The following RMST variants were observed in gnomAD, a reference collection of about 807,000 sequenced individuals.
The protein encoded by RMST is rhabdomyosarcoma 2 associated transcript, also known as long intergenic non-protein coding RNA 54.
At chr12:97,515,695 T>C (rs1008867906) in intron 10 of RMST, among the ~76,000 whole-genome samples, 4 of 152,262 alleles carry the variant, frequency 2.6e-5, no homozygotes, top group Admixed American at 6.5e-5. Context: ...ATAGAACTTA[T>C]GTATTTTATC....
intron 9 of RMST, chr12:97,495,786 TGAA>T (rs1433809633): frequency 6.6e-6 from 1 of 152,166 alleles, no homozygotes; most frequent in Admixed American, 6.6e-5. Flanking sequence ...ATCTTCAATG[TGAA>T]GAAGGTCTGG....
At chr12:97,559,713 C>A (rs1403732156) in intron 11 of RMST, among the ~76,000 whole-genome samples, 1 of 152,150 alleles carries the variant, frequency 6.6e-6, no homozygotes, top group Non-Finnish European at 1.5e-5. Context: ...ATTGAATATG[C>A]TTTATCACAG....
At chr12:97,564,523 G>A (rs1884389088) in exon 14 of RMST, 1 of 152,368 alleles carries the variant, frequency 6.6e-6, no homozygotes, top group African/African-American at 2.4e-5. Flanking sequence ...TAAACTCTAT[G>A]AGCCTCTTTC....
chr12:97,524,288 A>G (rs59289266), intron 10 of RMST, among the ~76,000 whole-genome samples: 19,313 of 151,922 alleles, frequency 0.13, 1,546 homozygotes, highest in East Asian at 0.3. Flanking sequence ...CAAAATCTGC[A>G]TTTTAGCAAG....
intron 11 of RMST, among the ~76,000 whole-genome samples, chr12:97,559,853 A>G (rs887781631): frequency 3.3e-5 from 5 of 152,336 alleles, no homozygotes; most frequent in Admixed American, 6.5e-5. Flanking sequence ...CACTCTATAT[A>G]GAAATGTTAT....
At chr12:97,509,944 T>C (rs1266804642) in intron 10 of RMST, among the ~76,000 whole-genome samples, 1 of 152,194 alleles carries the variant, frequency 6.6e-6, no homozygotes, top group African/African-American at 2.4e-5. Flanking sequence ...CACTAGACTA[T>C]AGCTACCTGG....
At chr12:97,535,376 T>C (rs1444791115) in intron 11 of RMST, among the ~76,000 whole-genome samples, 1 of 151,706 alleles carries the variant, frequency 6.6e-6, no homozygotes, top group African/African-American at 2.4e-5. Context: ...GAGAACTTCA[T>C]AAAAAGATAC....
chr12:97,488,595 G>A (rs997265108), intron 5 of RMST, among the ~76,000 whole-genome samples: 5 of 152,136 alleles, frequency 3.3e-5, no homozygotes, highest in Admixed American at 1.3e-4. Context: ...CTCAAGTTGC[G>A]TGGTGGCCCA....
intron 5 of RMST, among the ~76,000 whole-genome samples, chr12:97,481,477 T>C (rs1875270209): frequency 6.6e-6 from 1 of 152,212 alleles, no homozygotes; most frequent in Admixed American, 6.5e-5. Context: ...GGTGGCCAGT[T>C]ACCATGCCAA....
chr12:97,530,843 A>C (rs1881551755), exon 11 of RMST: 1 of 152,026 alleles, frequency 6.6e-6, no homozygotes, highest in Admixed American at 6.6e-5. Flanking sequence ...AGAAATTGCG[A>C]ACTTGTTCGG....
At chr12:97,525,923 A>T (rs117949547) in intron 10 of RMST, among the ~76,000 whole-genome samples, 4,692 of 152,116 alleles carry the variant, frequency 0.031, 132 homozygotes, top group East Asian at 0.055. Context: ...AGATTCTCAT[A>T]GCAGTGCGAA....
intron 11 of RMST, among the ~76,000 whole-genome samples, chr12:97,537,668 G>T (rs1882176116): frequency 6.6e-6 from 1 of 151,452 alleles, no homozygotes; most frequent in Non-Finnish European, 1.5e-5. Context: ...AAGCGCATAT[G>T]CTAAACTGAA....
rs539178007 is a variant in RMST at position 97,483,035 on chromosome 12, T to C, written n.645-9426T>C. The stretch of plus-strand genomic sequence containing the variant: ...GTGCACGGCTCACGGGACAGTCATA[T>C]TTTCAAATGAATGAATGAATGACTA... On this transcript the variant is annotated intron_variant and non_coding_transcript_variant, in intron 5 of 13. Coordinates refer to ENST00000640149, the Ensembl canonical transcript of RMST. 3.9e-5 allele frequency among the ~76,000 whole-genome samples: 6 copies of C among 152,108 alleles called. No homozygotes were observed. The East Asian group carries it at 1.2e-3, about 29-fold the overall frequency.
intron 11 of RMST, among the ~76,000 whole-genome samples, chr12:97,553,387 C>T (rs1411349670): frequency 1.3e-5 from 2 of 152,138 alleles, no homozygotes; most frequent in Non-Finnish European, 2.9e-5. Context: ...GAAATTTATG[C>T]ACAGTTAGCC....
chr12:97,550,229 TA>T lies in RMST; in HGVS notation n.1546-10303del, dbSNP rs541046550. Among the ~76,000 whole-genome samples, 954 of 152,138 alleles carry T rather than the reference TA, an allele frequency of 6.3e-3. 10 individuals carry two copies. The highest frequency in any genetic ancestry group is 0.02 in the African/African-American group (839 of 41,496). ...CAACATGGAGAAACCCCATCTCTAC[TA>T]AAAATACAAAAATTAGCTGGGTGTG... is the stretch of plus-strand genomic sequence containing the variant. On this transcript the variant is annotated intron_variant and non_coding_transcript_variant, in intron 11 of 13. Transcript: ENST00000640149.
chr12:97,559,658 T>C (rs1390638373), intron 11 of RMST, among the ~76,000 whole-genome samples: 1 of 152,238 alleles, frequency 6.6e-6, no homozygotes, highest in Non-Finnish European at 1.5e-5. Flanking sequence ...AGGATTTTTC[T>C]CAGTGTTTAT....
intron 5 of RMST, among the ~76,000 whole-genome samples, chr12:97,480,093 TTTTTTC>T (rs200629821): frequency 8.5e-5 from 9 of 106,444 alleles, no homozygotes; most frequent in Non-Finnish European, 1.6e-4. Flanking sequence ...TTTTTTCTTT[TTTTTTC>T]TTTTTTTTTG....
At chr12:97,490,472 A>G (rs78344803) in intron 5 of RMST, among the ~76,000 whole-genome samples, 3,403 of 152,280 alleles carry the variant, frequency 0.022, 153 homozygotes, top group East Asian at 0.16. Context: ...AATAGCATCT[A>G]TCTTACAGGG....
intron 9 of RMST, chr12:97,494,902 G>A (rs1424333219): frequency 6.6e-6 from 1 of 152,050 alleles, no homozygotes; most frequent in Non-Finnish European, 1.5e-5. Context: ...ATCATGTCTC[G>A]TAAGATGTGA....
Sources: gnomAD v4.1 joint callset for allele counts (sites outside exome capture counted in the v4.1 genomes callset) on GRCh38, gnomAD v4.1.1 for gene constraint, MANE v1.5 for transcripts, NCBI Gene and HGNC (gene_info 2026-07-23, HGNC 2026-07-21) for gene names.